Variants in FGF14 observed in about 807,000 individuals in gnomAD.
FGF14 encodes fibroblast growth factor homologous factor 4.
FGF14 carries 5 observed loss-of-function variants against 25.5 expected under a neutral mutation model. The observed-to-expected ratio is 0.20, with a 90% confidence interval of 0.10 to 0.41. FGF14 has a LOEUF of 0.41. Ranked by LOEUF, FGF14 falls within the 10% of genes least tolerant of loss-of-function variation. The pLI is 1.00. For missense variants in FGF14, 222 were observed against 320.1 expected (o/e 0.69, Z 2.34); for synonymous variants, 138 against 118.3 (o/e 1.17, Z -1.08).
At chr13:102,110,209 A>G (rs9554840) in intron 1 of FGF14, among the ~76,000 whole-genome samples, 59,165 of 152,094 alleles carry the variant, frequency 0.39, 13,666 homozygotes, top group Non-Finnish European at 0.52. Flanking sequence ...TTTGTTATAA[A>G]AAATGACATT....
intron 1 of FGF14, among the ~76,000 whole-genome samples, chr13:102,251,229 A>C (rs2052155710): frequency 6.6e-6 from 1 of 152,182 alleles, no homozygotes; most frequent in Admixed American, 6.5e-5. Context: ...AGATAGAGGT[A>C]CAAGGTTCCC....
chr13:101,788,901 TATATATATAGAGAGAG>T (rs1211295455), intron 3 of FGF14, among the ~76,000 whole-genome samples: 91 of 41,344 alleles, frequency 2.2e-3, no homozygotes, highest in African/African-American at 4.3e-3. Context: ...TATATATATA[TATATATATAGAGAGAG>T]AGAGAGAGAG....
intron 3 of FGF14, among the ~76,000 whole-genome samples, chr13:101,840,296 T>C (rs952071857): frequency 6.6e-6 from 1 of 151,944 alleles, no homozygotes; most frequent in Non-Finnish European, 1.5e-5. Context: ...TTTATATTTG[T>C]TATTTCCCCC....
chr13:101,740,825 CT>C (rs2036504518), intron 3 of FGF14, among the ~76,000 whole-genome samples: 1 of 151,922 alleles, frequency 6.6e-6, no homozygotes, highest in African/African-American at 2.4e-5. Flanking sequence ...GTGGGTATGT[CT>C]TTTTTTCAGT....
chr13:102,099,357 A>C (rs1393901816), intron 1 of FGF14, among the ~76,000 whole-genome samples: 1 of 152,246 alleles, frequency 6.6e-6, no homozygotes, highest in Non-Finnish European at 1.5e-5. Flanking sequence ...TGCACCGCTA[A>C]GCACTGTTCT....
intron 1 of FGF14, among the ~76,000 whole-genome samples, chr13:102,046,279 T>C (rs2041979292): frequency 6.6e-6 from 1 of 152,186 alleles, no homozygotes; most frequent in Admixed American, 6.5e-5. Context: ...TAAACACAGA[T>C]AGATTGTAGT....
intron 1 of FGF14, among the ~76,000 whole-genome samples, chr13:102,353,793 T>C (rs570197770): frequency 6.6e-6 from 1 of 152,322 alleles, no homozygotes; most frequent in South Asian, 2.1e-4. Flanking sequence ...TTTTCCTAAC[T>C]GTATTAGTCT....
intron 1 of FGF14, among the ~76,000 whole-genome samples, chr13:102,324,980 T>C (rs534862411): frequency 6.6e-6 from 1 of 152,240 alleles, no homozygotes; most frequent in Admixed American, 6.5e-5. Context: ...TTACTGTGAT[T>C]CTCAATTCAA....
intron 1 of FGF14, among the ~76,000 whole-genome samples, chr13:102,161,671 A>AT (rs1566765557): frequency 0.12 from 6,884 of 55,792 alleles, 565 homozygotes; most frequent in Non-Finnish European, 0.14. Context: ...GAAGAAGAAG[A>AT]AGAAGAAGAA....
At chr13:101,946,642 T>A (rs2035827290) in intron 1 of FGF14, among the ~76,000 whole-genome samples, 1 of 152,182 alleles carries the variant, frequency 6.6e-6, no homozygotes, top group African/African-American at 2.4e-5. Context: ...CTACAGCAAC[T>A]TCTGGCACCA....
chr13:102,338,769 T>A (rs999651583), intron 1 of FGF14, among the ~76,000 whole-genome samples: 6 of 151,944 alleles, frequency 3.9e-5, no homozygotes, highest in African/African-American at 1.4e-4. Flanking sequence ...ATCCCAACAC[T>A]TTGGGAGGCT....
At chr13:101,886,027 C>T (rs2045972903) in intron 1 of FGF14, among the ~76,000 whole-genome samples, 1 of 152,116 alleles carries the variant, frequency 6.6e-6, no homozygotes, top group South Asian at 2.1e-4. Flanking sequence ...ACAAAAACTC[C>T]TCCTTTAATT....
At chr13:102,087,387 T>TA (rs1228712210) in intron 1 of FGF14, among the ~76,000 whole-genome samples, 2 of 110,142 alleles carry the variant, frequency 1.8e-5, no homozygotes, top group Non-Finnish European at 4.3e-5. Flanking sequence ...CCAGAAATAG[T>TA]AAAAAATAGA....
At chr13:101,736,322 G>A (rs568859629) in intron 3 of FGF14, among the ~76,000 whole-genome samples, 1 of 152,230 alleles carries the variant, frequency 6.6e-6, no homozygotes, top group East Asian at 1.9e-4. Context: ...CTTCATAGAA[G>A]TATGATCAAG....
At chr13:101,878,044 T>C (rs1374598364) in intron 1 of FGF14, among the ~76,000 whole-genome samples, 1 of 152,186 alleles carries the variant, frequency 6.6e-6, no homozygotes. Context: ...CAGTGACTCT[T>C]CACCATCCAC....
intron 3 of FGF14, among the ~76,000 whole-genome samples, chr13:101,822,880 T>C (rs1291419675): frequency 6.6e-6 from 1 of 152,196 alleles, no homozygotes; most frequent in Non-Finnish European, 1.5e-5. Flanking sequence ...TTCATCCTTC[T>C]GTCCACAACT....
intron 1 of FGF14, among the ~76,000 whole-genome samples, chr13:102,041,167 C>G (rs1006692507): frequency 6.6e-6 from 1 of 151,942 alleles, no homozygotes; most frequent in Non-Finnish European, 1.5e-5. Flanking sequence ...TCTCTTCACA[C>G]ATATTTTTTA....
rs189502797 is a variant in FGF14 at position 102,005,682 on chromosome 13, G to A, written c.209-130386C>T. ...ATAAAACACGGAAAAGTCCAATGAT[G>A]TAAATTAATCTTATAAAACTAGCTA... On this transcript the variant is annotated intron_variant, in intron 1 of 4. Transcript: ENST00000376131. 1.3e-3 allele frequency among the ~76,000 whole-genome samples: 197 copies of A among 152,284 alleles called. 3 individuals are homozygous for A. Among genetic ancestry groups the A allele is most frequent in the African/African-American group, 4.5e-3 (189 of 41,560 alleles).
intron 1 of FGF14, among the ~76,000 whole-genome samples, chr13:102,307,875 G>T (rs1054996707): frequency 6.6e-6 from 1 of 152,050 alleles, no homozygotes; most frequent in Non-Finnish European, 1.5e-5. Context: ...TGTGTTCTAG[G>T]TAATAGGCCA....
Sources: allele counts gnomAD v4.1 joint callset (sites outside exome capture counted in the v4.1 genomes callset), GRCh38; gene constraint gnomAD v4.1.1; transcripts MANE v1.5; gene names NCBI Gene and HGNC (gene_info 2026-07-23, HGNC 2026-07-21).